Variants in PASD1 observed in about 807,000 individuals in gnomAD.
PASD1 encodes the protein circadian clock protein PASD1.
PASD1 carries 13 observed loss-of-function variants against 58.8 expected under a neutral mutation model. That is an observed-to-expected ratio of 0.22 (90% CI 0.14 to 0.35). PASD1 has a LOEUF of 0.35. Among genes scored for constraint, PASD1 ranks in the 10% least tolerant of loss-of-function variants. PASD1 has a pLI of 1.00. For missense variants in PASD1, 734 were observed against 568.3 expected, an observed-to-expected ratio of 1.29 and a Z score of -2.96; for synonymous variants, 236 against 216.7, an observed-to-expected ratio of 1.09 and a Z score of -0.78.
chrX:151,593,707 G>A (rs927820787), intron 1 of PASD1, among the ~76,000 whole-genome samples: 1 of 111,278 alleles, frequency 9.0e-6, no homozygotes, highest in African/African-American at 3.3e-5. Context: ...ATAAACATAT[G>A]TGTGCATGTG....
At chrX:151,623,267 T>G (rs1276163490) in intron 7 of PASD1, among the ~76,000 whole-genome samples, 2 of 111,888 alleles carry the variant, frequency 1.8e-5, no homozygotes, top group African/African-American at 6.5e-5. Context: ...TTAGACACAC[T>G]CGAAAGAGAT....
intron 9 of PASD1, among the ~76,000 whole-genome samples, chrX:151,655,394 G>A (rs1251899039): frequency 9.0e-6 from 1 of 111,025 alleles, no homozygotes; most frequent in East Asian, 2.8e-4. Context: ...GGGTCAAATG[G>A]TATTTCTAGT....
intron 8 of PASD1, chrX:151,640,982 T>C (rs1292981309): frequency 8.9e-6 from 1 of 112,057 alleles, no homozygotes; most frequent in African/African-American, 3.2e-5. Context: ...AGTATTCATT[T>C]TTCTGTTTTC....
In PASD1 at chrX:151,569,348, A is replaced by G. The variant is rs774299927; in HGVS notation, c.-28+5509A>G. The stretch of plus-strand genomic sequence containing the variant: ...TCTCCCATATCAGCCTCCTTTGCCA[A>G]TCATCTTCAGAAATACAGGTGTAAG... On this transcript the variant is annotated intron_variant, in intron 1 of 15. Transcript: ENST00000370357. Among the ~76,000 whole-genome samples the G allele has an allele frequency of 1.6e-3, 183 of 111,884 alleles. 3 individuals carry two copies. The highest frequency in any genetic ancestry group is 3.9e-3 in the Admixed American group (41 of 10,539).
chrX:151,621,477 A>T lies in PASD1; in HGVS notation c.308-5A>T, dbSNP rs2013708855. On this transcript the variant is annotated splice_polypyrimidine_tract_variant and splice_region_variant and intron_variant, in intron 5 of 15. Coordinates refer to ENST00000370357, the MANE Select transcript of PASD1 (RefSeq NM_173493.3). ...CTTGTTTTGTATTTCTTCTCTTTTT[A>T]CTAGAAACACATATTGAATTTTGCT... The T allele has an allele frequency of 8.6e-7, 1 of 1,165,854 alleles. No homozygotes were observed. Among genetic ancestry groups the T allele is most frequent in the African/African-American group, 1.8e-5 (1 of 56,277 alleles).
chrX:151,630,294 G>T (rs757732439), intron 8 of PASD1, among the ~76,000 whole-genome samples: 1 of 111,586 alleles, frequency 9.0e-6, no homozygotes, highest in African/African-American at 3.3e-5. Context: ...GACCTGGCTG[G>T]CCCACTAACC....
intron 1 of PASD1, among the ~76,000 whole-genome samples, chrX:151,572,495 G>A (rs1229583342): frequency 3.6e-5 from 4 of 111,858 alleles, no homozygotes; most frequent in South Asian, 7.5e-4. Context: ...TAATAAATAC[G>A]GACTGGGAGT....
In PASD1 at chrX:151,665,480, C is replaced by T. The variant is rs190213757; in HGVS notation, c.1071+1132C>T. Among the ~76,000 whole-genome samples the T allele has an allele frequency of 3.7e-3, 419 of 111,993 alleles. 3 individuals are homozygous for T. The highest frequency in any genetic ancestry group is 4.4e-3 in the Non-Finnish European group (236 of 53,205). ...ATTCCTGGGTGCCATGTATCAGCAACCTGGAGTGTATCCAGAAGATGGAGA... is the reference window on the plus strand; with the variant it reads ...ATTCCTGGGTGCCATGTATCAGCAATCTGGAGTGTATCCAGAAGATGGAGA... On this transcript the variant is annotated intron_variant, in intron 11 of 15. Coordinates refer to ENST00000370357, the MANE Select transcript of PASD1 (RefSeq NM_173493.3).
At chrX:151,653,391 C>T (rs927741677) in intron 9 of PASD1, among the ~76,000 whole-genome samples, 4 of 109,240 alleles carry the variant, frequency 3.7e-5, no homozygotes, top group African/African-American at 1.0e-4. Context: ...GGGGTTTCAC[C>T]GTGTTGGCCA....
At chrX:151,572,113 C>T (rs1032964874) in intron 1 of PASD1, among the ~76,000 whole-genome samples, 3 of 111,650 alleles carry the variant, frequency 2.7e-5, no homozygotes, top group Non-Finnish European at 5.6e-5. Context: ...TTGATTTTCT[C>T]ATTTGATTTT....
intron 8 of PASD1, among the ~76,000 whole-genome samples, chrX:151,630,482 G>A (rs1181501679): frequency 2.7e-5 from 3 of 112,542 alleles, no homozygotes; most frequent in Non-Finnish European, 3.7e-5. Flanking sequence ...TAGAAAAAAA[G>A]TGCAAACCAG....
At chrX:151,659,683 G>A (rs1430636535) in intron 9 of PASD1, 30 bp from the exon 10 acceptor site, 5 of 1,178,339 alleles carry the variant, frequency 4.2e-6, no homozygotes, top group Non-Finnish European at 5.7e-6. Flanking sequence ...AAAATGCAAT[G>A]TCCTATCTTT....
chrX:151,643,984 T>A (rs780663601), intron 8 of PASD1, among the ~76,000 whole-genome samples: 1 of 111,593 alleles, frequency 9.0e-6, no homozygotes, highest in Non-Finnish European at 1.9e-5. Context: ...GTAGGGAGTA[T>A]GGTTAGTTAG....
chrX:151,672,773 C>CCT (rs1344716782), intron 14 of PASD1, 112 bp downstream of exon 14: 1 of 1,095,134 alleles, frequency 9.1e-7, no homozygotes, highest in African/African-American at 1.9e-5. Context: ...CACCAGCGTC[C>CCT]CTCTCATCAA....
At chrX:151,581,939 G>T (rs997117114) in intron 1 of PASD1, among the ~76,000 whole-genome samples, 15 of 107,890 alleles carry the variant, frequency 1.4e-4, no homozygotes, top group Admixed American at 4.0e-4. Context: ...GTGTTCAGGG[G>T]CAATATTCCC....
chrX:151,649,031 A>G (rs2014098082), intron 9 of PASD1, among the ~76,000 whole-genome samples: 1 of 112,085 alleles, frequency 8.9e-6, no homozygotes, highest in East Asian at 2.8e-4. Context: ...CCTAGTGCCT[A>G]ATTAGCCTAG....
chrX:151,600,284 A>T (rs1435528091), intron 1 of PASD1, among the ~76,000 whole-genome samples: 1 of 106,268 alleles, frequency 9.4e-6, no homozygotes, highest in Non-Finnish European at 1.9e-5. Flanking sequence ...AGGGAGAGGG[A>T]GACCGTGCAA....
At chrX:151,655,593 T>C (rs2014229202) in intron 9 of PASD1, among the ~76,000 whole-genome samples, 1 of 112,374 alleles carries the variant, frequency 8.9e-6, no homozygotes, top group Non-Finnish European at 1.9e-5. Context: ...TTTGCATTTC[T>C]CTGATGGCCA....
chrX:151,663,442 C>A (rs989282190), intron 10 of PASD1, among the ~76,000 whole-genome samples: 1 of 112,109 alleles, frequency 8.9e-6, no homozygotes, highest in Non-Finnish European at 1.9e-5. Flanking sequence ...TTTAAAACTT[C>A]ATTCACCTGT....
Sources: gnomAD v4.1 joint callset for allele counts (sites outside exome capture counted in the v4.1 genomes callset) on GRCh38, gnomAD v4.1.1 for gene constraint, MANE v1.5 for transcripts, NCBI Gene and HGNC (gene_info 2026-07-23, HGNC 2026-07-21) for gene names.